Variants in CCNB3 observed in about 807,000 individuals in gnomAD.
CCNB3 encodes cyclin B3.
A neutral mutation model predicts 68.0 loss-of-function variants in CCNB3; 12 were observed. The ratio of observed to expected loss-of-function variants is 0.18; its 90% CI spans 0.11 to 0.29. CCNB3 has a LOEUF of 0.29. CCNB3 is among the 10% of genes least tolerant of loss of function. CCNB3 has a pLI of 1.00. For missense variants in CCNB3, 904 were observed against 993.1 expected, an observed-to-expected ratio of 0.91 and a Z score of 1.21; for synonymous variants, 354 against 388.9, an observed-to-expected ratio of 0.91 and a Z score of 1.06.
chrX:50,309,468 G>A lies in CCNB3; in HGVS notation c.1299G>A (p.Gln433=). 1 of 1,211,273 alleles carries A rather than the reference G, an allele frequency of 8.3e-7. No individual in the cohort carries two copies. The highest frequency in any genetic ancestry group is 1.1e-6 in the Non-Finnish European group (1 of 895,275). The change falls in exon 6 of 13, where the codon CAG becomes CAA. Residue 433 remains glutamine, a synonymous_variant. Coordinates refer to ENST00000376042, the MANE Select transcript of CCNB3 (RefSeq NM_033031.3). ...KPSTEKESFS[Q]EPSALQKKHT... is the part of the protein sequence containing the mutation. ...CTACTGAGAAGGAGTCCTTTTCCCA[G>A]GAACCATCTGCATTGCAAAAGAAGC...
chrX:50,228,624 A>G (rs910842202), intron 1 of CCNB3, among the ~76,000 whole-genome samples: 219 of 84,934 alleles, frequency 2.6e-3, no homozygotes, highest in African/African-American at 8.8e-3. Flanking sequence ...TAGAATATAT[A>G]TAGAATATAC....
intron 4 of CCNB3, among the ~76,000 whole-genome samples, chrX:50,293,057 G>A (rs376598649): frequency 2.7e-5 from 3 of 111,940 alleles, no homozygotes; most frequent in East Asian, 5.6e-4. Context: ...TTATACATAC[G>A]TCTGTATATA....
Position 50,285,122 on chromosome X carries a change from T to A in CCNB3, c.-37-5T>A. ...TGGTGTTAAAGAGCCTCTTTCTGAT[T>A]ACAGCCCTGCCTTGGACAAGACGCA... is the stretch of plus-strand genomic sequence containing the variant. On this transcript the variant is annotated splice_region_variant and splice_polypyrimidine_tract_variant and intron_variant, in intron 2 of 12. Transcript: ENST00000376042. 2.0e-6 allele frequency: 2 copies of A among 1,007,090 alleles called. No homozygotes were observed. The highest frequency in any genetic ancestry group is 2.8e-6 in the Non-Finnish European group (2 of 709,420). The allele number at this position is 1,007,090 out of a possible 1,213,427, so 83.0% of individuals were successfully genotyped here.
At position 50,224,849 on chromosome X, in the gene CCNB3, C is replaced by T. The variant is rs1345133478; in HGVS notation, c.-113+19899C>T. Among the ~76,000 whole-genome samples, 5 of 111,599 alleles carry T rather than the reference C, an allele frequency of 4.5e-5. No individual in the cohort carries two copies. The East Asian group carries it at 1.4e-3, about 31-fold the overall frequency. ...ACTTGTGTTTAAATTCCAGTCTGAT[C>T]ACTTATTAGCTGTGTGATCTTGGGA... On this transcript the variant is annotated intron_variant, in intron 1 of 12. Transcript: ENST00000376042.
At chrX:50,220,302 A>G (rs1166111210) in intron 1 of CCNB3, among the ~76,000 whole-genome samples, 1 of 111,580 alleles carries the variant, frequency 9.0e-6, no homozygotes, top group Non-Finnish European at 1.9e-5. Flanking sequence ...TTCCAATACT[A>G]TGCTGAATAG....
intron 8 of CCNB3, among the ~76,000 whole-genome samples, chrX:50,317,609 G>T (rs1921798814): frequency 9.3e-6 from 1 of 107,957 alleles, no homozygotes; most frequent in Non-Finnish European, 1.9e-5. Context: ...TGCTCTTGTT[G>T]CCCAGGCTGG....
Position 50,288,772 on chromosome X carries a change from T to A in CCNB3, c.97-8T>A. 1 of 1,186,916 alleles carries A rather than the reference T, an allele frequency of 8.4e-7. No homozygotes were observed. On this transcript the variant is annotated splice_region_variant and splice_polypyrimidine_tract_variant and intron_variant, in intron 3 of 12. Coordinates refer to ENST00000376042, the MANE Select transcript of CCNB3 (RefSeq NM_033031.3). ...GGATATACTCATTTACCTCTTTTACTTTTTTAGACGGGGGAGAATTGCCAA... is the reference window on the plus strand; with the variant it reads ...GGATATACTCATTTACCTCTTTTACATTTTTAGACGGGGGAGAATTGCCAA...
At chrX:50,342,896 G>T (rs1208573178) in intron 9 of CCNB3, among the ~76,000 whole-genome samples, 2 of 110,154 alleles carry the variant, frequency 1.8e-5, no homozygotes, top group South Asian at 3.9e-4. Context: ...TTTTTGTAGG[G>T]GTGGGGTCTC....
rs781799561 is a variant in CCNB3, at chrX:50,326,467, G to A, written c.3516+12519G>A. Among the ~76,000 whole-genome samples, 31 of 110,798 alleles carry A rather than the reference G, an allele frequency of 2.8e-4. No homozygotes were observed. The Middle Eastern group carries it at 0.014, about 50-fold the overall frequency. On this transcript the variant is annotated intron_variant, in intron 8 of 12. Coordinates refer to ENST00000376042, the MANE Select transcript of CCNB3 (RefSeq NM_033031.3). ...TATTACCCGTCTTCCTTTTCTCTTCGTGTGTGTATGTGTGTCTCCAGAATT... is the reference window on the plus strand; with the variant it reads ...TATTACCCGTCTTCCTTTTCTCTTCATGTGTGTATGTGTGTCTCCAGAATT...
intron 1 of CCNB3, among the ~76,000 whole-genome samples, chrX:50,279,516 C>T (rs1435994991): frequency 5.3e-5 from 4 of 75,788 alleles, no homozygotes; most frequent in African/African-American, 2.1e-4. Context: ...TGTATTTATT[C>T]ATATAAAGAT....
chrX:50,280,585 G>A (rs1241673773), intron 1 of CCNB3, among the ~76,000 whole-genome samples: 1 of 109,372 alleles, frequency 9.1e-6, no homozygotes, highest in Non-Finnish European at 1.9e-5. Context: ...TCACAAAATA[G>A]GGGCAGTAAC....
At chrX:50,279,746 T>A (rs1374394216) in intron 1 of CCNB3, among the ~76,000 whole-genome samples, 1 of 89,950 alleles carries the variant, frequency 1.1e-5, no homozygotes. Flanking sequence ...TTATGTATAT[T>A]CATATATGTA....
chrX:50,281,275 G>A (rs1256690272), intron 1 of CCNB3, among the ~76,000 whole-genome samples: 1 of 111,609 alleles, frequency 9.0e-6, no homozygotes, highest in East Asian at 2.8e-4. Context: ...TGCACTTCAT[G>A]ACGGCTGTAG....
At position 50,280,295 on chromosome X, in the gene CCNB3, G is replaced by GATATAA. The variant is rs1484833334; in HGVS notation, c.-112-4241_-112-4236dup. Among the ~76,000 whole-genome samples the GATATAA allele has an allele frequency of 9.1e-5, 8 of 88,226 alleles. No homozygotes were observed. The South Asian group carries it at 2.0e-3, about 22-fold the overall frequency. The allele number at this position is 88,226 out of a possible 115,157, so 76.6% of individuals were successfully genotyped here. A position where few individuals can be genotyped will look rare whatever the true frequency, so the allele number is the denominator to read the frequency against. On this transcript the variant is annotated intron_variant, in intron 1 of 12. Coordinates refer to ENST00000376042, the MANE Select transcript of CCNB3 (RefSeq NM_033031.3). ...GATATAAATATATGTATAGAATATA[G>GATATAA]ATATAAATATATATATAGAATATAG... is the stretch of plus-strand genomic sequence containing the variant.
rs73211790 is a variant in CCNB3, at chrX:50,208,548, G to A, written c.-113+3598G>A. 7.1e-5 allele frequency among the ~76,000 whole-genome samples: 8 copies of A among 112,138 alleles called. No individual in the cohort carries two copies. The South Asian group carries it at 3.0e-3, about 42-fold the overall frequency. On this transcript the variant is annotated intron_variant, in intron 1 of 12. Coordinates refer to ENST00000376042, the MANE Select transcript of CCNB3 (RefSeq NM_033031.3). ...ACAATATCGATGTTGGATTACATGG[G>A]TTGATTTTTCAAACTAGCCTTGCAT...
In CCNB3 at chrX:50,310,126, T is replaced by C; in HGVS notation, c.1957T>C (p.Ser653Pro). The C allele has an allele frequency of 8.3e-7, 1 of 1,211,161 alleles. No homozygotes were observed. The highest frequency in any genetic ancestry group is 1.1e-6 in the Non-Finnish European group (1 of 895,144). Residue 653 changes from serine to proline, a missense_variant, in exon 6 of 13, where the codon TCC becomes CCC. Ser to Pro is a moderately conservative substitution (Grantham distance 74, BLOSUM62 -1). Coordinates refer to ENST00000376042, the MANE Select transcript of CCNB3 (RefSeq NM_033031.3). ...GAAGCATACCACCTTGCAGGAAGTG[T>C]CCCTCTCAAAAGAGTCATTGGCCAT... ...KEKHTTLQEV[S>P]LSKESLAIQE... is the part of the protein sequence containing the mutation.
intron 5 of CCNB3, among the ~76,000 whole-genome samples, chrX:50,296,083 A>G (rs782041078): frequency 2.5e-3 from 277 of 110,280 alleles, no homozygotes; most frequent in African/African-American, 8.3e-3. Context: ...TTTCTTTTGA[A>G]TTTCTTTCAT....
chrX:50,342,470 A>G, intron 9 of CCNB3, 131 bp downstream of exon 9: 2 of 611,650 alleles, frequency 3.3e-6, no homozygotes, highest in African/African-American at 2.3e-5. Context: ...GACTGCTTAT[A>G]CTATGGTGGT....
intron 8 of CCNB3, among the ~76,000 whole-genome samples, chrX:50,321,979 G>A (rs1207277265): frequency 9.3e-6 from 1 of 107,778 alleles, no homozygotes; most frequent in Non-Finnish European, 1.9e-5. Context: ...TTTTTCTTGA[G>A]TATTGAGAAT....
Sources: allele counts gnomAD v4.1 joint callset (sites outside exome capture counted in the v4.1 genomes callset), GRCh38; gene constraint gnomAD v4.1.1; transcripts MANE v1.5; gene names NCBI Gene and HGNC (gene_info 2026-07-23, HGNC 2026-07-21).